BYSL: variants seen among roughly 807,000 people sequenced by gnomAD.
The protein encoded by BYSL is bystin.
BYSL carries 21 observed loss-of-function variants against 45.4 expected under a neutral mutation model. The ratio of observed to expected loss-of-function variants is 0.46; its 90% CI spans 0.33 to 0.67. BYSL has a LOEUF of 0.67. Ranked by LOEUF, BYSL falls within the 30% of genes least tolerant of loss-of-function variation. The pLI is 0.02. For missense variants in BYSL, 522 were observed against 578.5 expected (o/e 0.90, Z 1.00); for synonymous variants, 215 against 231.3 (o/e 0.93, Z 0.64).
At chr6:41,917,723 A>G, upstream of BYSL, 1 of 469,520 alleles carries the variant, frequency 2.1e-6, no homozygotes, top group Non-Finnish European at 4.4e-6. Flanking sequence ...TGAAAAAGGG[A>G]TTCCTTTTGC....
chr6:41,911,042 G>A, the BYSL span, among the ~76,000 whole-genome samples: 6 of 151,132 alleles, frequency 4.0e-5, no homozygotes, highest in Middle Eastern at 3.2e-3. Context: ...CCAAGAGGCA[G>A]AGGTTGCAGT....
upstream of BYSL, among the ~76,000 whole-genome samples, chr6:41,918,364 C>A (rs1275911196): frequency 1.3e-5 from 2 of 151,706 alleles, no homozygotes; most frequent in Non-Finnish European, 2.9e-5. Context: ...CTTAGCCAGG[C>A]ATGGTGGTGT....
At chr6:41,919,787 G>C (rs779167322), upstream of BYSL, among the ~76,000 whole-genome samples, 12 of 152,184 alleles carry the variant, frequency 7.9e-5, no homozygotes, top group South Asian at 4.1e-4. Flanking sequence ...AAAAGAAAGA[G>C]CAAGGGTTCC....
At chr6:41,910,879 TG>T in the BYSL span, among the ~76,000 whole-genome samples, 1 of 150,804 alleles carries the variant, frequency 6.6e-6, no homozygotes, top group Non-Finnish European at 1.5e-5. Context: ...GAGGCCAAGG[TG>T]GGTGGATCAC....
At chr6:41,921,934 G>A (rs41273800) in intron 1 of BYSL, 104 bp downstream of exon 1, 35 of 1,431,992 alleles carry the variant, frequency 2.4e-5, no homozygotes, top group Non-Finnish European at 3.0e-5. Context: ...TCAACAAAGG[G>A]GTCCGTATTA....
At chr6:41,910,981 C>A in the BYSL span, among the ~76,000 whole-genome samples, 3 of 151,440 alleles carry the variant, frequency 2.0e-5, no homozygotes, top group Non-Finnish European at 4.4e-5. Context: ...TGGTGGCATG[C>A]GCCTGTAATC....
intron 2 of BYSL, among the ~76,000 whole-genome samples, chr6:41,929,778 T>C (rs1225821056): frequency 6.6e-6 from 1 of 152,206 alleles, no homozygotes; most frequent in African/African-American, 2.4e-5. Context: ...ATTTTACAAA[T>C]GAGGAAACAG....
rs373596152 is a variant in BYSL at position 41,931,380 on chromosome 6, G to A, written c.705-16G>A. The A allele has an allele frequency of 7.4e-6, 12 of 1,613,792 alleles. No homozygotes were observed. The highest frequency in any genetic ancestry group is 5.3e-5 in the African/African-American group (4 of 74,896). On this transcript the variant is annotated splice_polypyrimidine_tract_variant and intron_variant, in intron 4 of 6. Transcript: ENST00000230340. ...GTCGTGTGAGTTGGAAACTTCCCCC[G>A]CTTAACTCCCACTAGGATTTTTGCC...
At chr6:41,926,199 C>T (rs989017951) in intron 1 of BYSL, among the ~76,000 whole-genome samples, 2 of 152,210 alleles carry the variant, frequency 1.3e-5, no homozygotes, top group Admixed American at 6.5e-5. Context: ...GTCCTCACCA[C>T]TCATCCTTTA....
At chr6:41,924,715 C>T (rs1775539496) in intron 1 of BYSL, among the ~76,000 whole-genome samples, 1 of 152,142 alleles carries the variant, frequency 6.6e-6, no homozygotes, top group Non-Finnish European at 1.5e-5. Flanking sequence ...ATTTTAAGGA[C>T]AGGGCTGATC....
chr6:41,915,333 A>G, the BYSL span, among the ~76,000 whole-genome samples: 1 of 151,212 alleles, frequency 6.6e-6, no homozygotes, highest in South Asian at 2.1e-4. Flanking sequence ...ACCACACCCA[A>G]AAGTAAAAAA....
chr6:41,922,176 A>T (rs563617653), intron 1 of BYSL, among the ~76,000 whole-genome samples: 16 of 152,342 alleles, frequency 1.1e-4, no homozygotes, highest in African/African-American at 3.6e-4. Context: ...CAACACAGGC[A>T]CGTCTAACTT....
At chr6:41,910,638 A>C in the BYSL span, among the ~76,000 whole-genome samples, 1 of 151,716 alleles carries the variant, frequency 6.6e-6, no homozygotes, top group South Asian at 2.1e-4. Context: ...TCTCCAAAAA[A>C]AAAAAAGAAA....
intron 2 of BYSL, among the ~76,000 whole-genome samples, chr6:41,929,603 T>C (rs2127386170): frequency 6.6e-6 from 1 of 152,344 alleles, no homozygotes; most frequent in South Asian, 2.1e-4. Context: ...TTATGTTTGA[T>C]ACACCCAACA....
chr6:41,921,187 G>C, upstream of BYSL: 1 of 854,892 alleles, frequency 1.2e-6, no homozygotes, highest in Non-Finnish European at 1.8e-6. Flanking sequence ...AATGGGGCGT[G>C]TCTCGGCACC....
At chr6:41,911,693 C>T in the BYSL span, among the ~76,000 whole-genome samples, 10 of 152,006 alleles carry the variant, frequency 6.6e-5, no homozygotes, top group South Asian at 4.2e-4. Flanking sequence ...GGTGCGAGGG[C>T]GGCGAGAGCA....
upstream of BYSL, chr6:41,916,997 C>A: frequency 1.3e-6 from 2 of 1,591,980 alleles, no homozygotes; most frequent in Non-Finnish European, 1.7e-6. Flanking sequence ...GCTCACTGAG[C>A]CATTCACTCG....
the BYSL span, among the ~76,000 whole-genome samples, chr6:41,915,350 C>G: frequency 6.6e-6 from 1 of 152,086 alleles, no homozygotes; most frequent in Non-Finnish European, 1.5e-5. Context: ...AAAAATCAGC[C>G]AGGCATGGTG....
Position 41,932,256 on chromosome 6 carries a change from G to C in BYSL, c.969-105G>C, listed in dbSNP as rs1561945836. The C allele has an allele frequency of 1.8e-6, 2 of 1,108,196 alleles. No homozygotes were observed. Among genetic ancestry groups the C allele is most frequent in the East Asian group, 2.4e-5 (1 of 42,438 alleles). The allele number at this position is 1,108,196 out of a possible 1,614,324, so 68.6% of individuals were successfully genotyped here. Reference sequence around the variant, plus strand: ...TCCCTGGGGAATACCATAGTGTAAGGGCCAGCAGAGGGGAAGAAAAAAAGG... The same window carrying C: ...TCCCTGGGGAATACCATAGTGTAAGCGCCAGCAGAGGGGAAGAAAAAAAGG... On this transcript the variant is annotated intron_variant, in intron 6 of 6. Transcript: ENST00000230340. The surrounding 1 kb of genome is among the most constrained non-coding windows in gnomAD (Gnocchi z 4.7).
Sources: gnomAD v4.1 joint callset for allele counts (sites outside exome capture counted in the v4.1 genomes callset) on GRCh38, gnomAD v4.1.1 for gene constraint, Gnocchi (gnomAD v3.1) non-coding constraint, MANE v1.5 for transcripts, NCBI Gene and HGNC (gene_info 2026-07-23, HGNC 2026-07-21) for gene names.